Variants in TPRG1 observed in about 807,000 individuals in gnomAD.
The protein encoded by TPRG1 is tumor protein p63 regulated 1, also known as tumor protein p63-regulated gene 1 protein.
TPRG1 carries 29 observed loss-of-function variants against 29.3 expected under a neutral mutation model. The ratio of observed to expected loss-of-function variants is 0.99; its 90% CI spans 0.74 to 1.35. The LOEUF is 1.35. Among genes scored for constraint, TPRG1 ranks in the 40% most tolerant of loss-of-function variants. TPRG1 has a pLI of 0.00. For synonymous variants in TPRG1, 130 were observed against 116.8 expected (o/e 1.11, Z -0.73); for missense variants, 327 against 335.0 (o/e 0.98, Z 0.19).
chr3:189,237,983 T>C (rs537877123), intron 3 of TPRG1, among the ~76,000 whole-genome samples: 22 of 152,220 alleles, frequency 1.4e-4, no homozygotes, highest in Non-Finnish European at 3.1e-4. Context: ...CACTCTCTTT[T>C]AACAAGAAGC....
intron 1 of TPRG1, among the ~76,000 whole-genome samples, chr3:189,106,286 C>T (rs1235156983): frequency 6.6e-6 from 1 of 152,074 alleles, no homozygotes; most frequent in Admixed American, 6.6e-5. Context: ...TGTGCTTTCC[C>T]CCTTCCCCCA....
intron 4 of TPRG1, among the ~76,000 whole-genome samples, chr3:189,075,339 TGGC>T (rs1560429066): frequency 5.9e-5 from 9 of 152,062 alleles, no homozygotes; most frequent in Admixed American, 2.0e-4. Context: ...TTCACCATGT[TGGC>T]CAGGCTGTTC....
intron 4 of TPRG1, among the ~76,000 whole-genome samples, chr3:189,287,822 A>AT (rs1385669361): frequency 6.6e-6 from 1 of 152,106 alleles, no homozygotes; most frequent in Non-Finnish European, 1.5e-5. Context: ...AAATGTGTTT[A>AT]TTTTTTGCCT....
In TPRG1 at chr3:189,310,353, T is replaced by C. The variant is rs765280768; in HGVS notation, c.480-33T>C. 7 of 1,493,948 alleles carry C rather than the reference T, an allele frequency of 4.7e-6. No individual in the cohort carries two copies. The South Asian group carries it at 9.7e-5, about 21-fold the overall frequency. 92.5% of individuals were successfully genotyped at this position (1,493,948 alleles called of 1,614,324 possible). ...ATTTTTTTTTTTTTGGAAATGGAAA[T>C]GACTAATCTAATGGAAAACGCCTTT... On this transcript the variant is annotated intron_variant, in intron 4 of 5. Coordinates refer to ENST00000345063, the MANE Select transcript of TPRG1 (RefSeq NM_198485.4).
intron 5 of TPRG1, among the ~76,000 whole-genome samples, chr3:189,317,408 G>T (rs1723705947): frequency 6.6e-6 from 1 of 152,134 alleles, no homozygotes; most frequent in Admixed American, 6.6e-5. Flanking sequence ...ATCTCATTCT[G>T]CTTTCCTAAT....
intron 5 of TPRG1, among the ~76,000 whole-genome samples, chr3:189,158,305 G>A (rs1388153416): frequency 6.6e-6 from 1 of 152,076 alleles, no homozygotes; most frequent in East Asian, 1.9e-4. Flanking sequence ...GGGATCTAAA[G>A]CATTTTAAAA....
intron 1 of TPRG1, among the ~76,000 whole-genome samples, chr3:189,198,743 A>C (rs1270621503): frequency 6.6e-6 from 1 of 152,192 alleles, no homozygotes; most frequent in African/African-American, 2.4e-5. Flanking sequence ...ATGGCCCACT[A>C]GTGAAGACAG....
At chr3:189,300,115 T>C (rs540932926) in intron 4 of TPRG1, among the ~76,000 whole-genome samples, 3 of 152,298 alleles carry the variant, frequency 2.0e-5, no homozygotes, top group African/African-American at 7.2e-5. Flanking sequence ...AAGCAAACAA[T>C]TGGTTGGCAT....
At chr3:189,061,844 T>G (rs1166412797) in intron 4 of TPRG1, among the ~76,000 whole-genome samples, 1 of 152,114 alleles carries the variant, frequency 6.6e-6, no homozygotes, top group African/African-American at 2.4e-5. Flanking sequence ...TGGTGGAGTG[T>G]AAATTAGTTC....
intron 4 of TPRG1, among the ~76,000 whole-genome samples, chr3:189,300,993 T>C (rs1400393404): frequency 6.6e-6 from 1 of 152,102 alleles, no homozygotes; most frequent in Non-Finnish European, 1.5e-5. Context: ...AACAATGAGA[T>C]AATGGATGAT....
intron 4 of TPRG1, among the ~76,000 whole-genome samples, chr3:189,079,974 A>G (rs1267318651): frequency 6.6e-6 from 1 of 152,198 alleles, no homozygotes; most frequent in Non-Finnish European, 1.5e-5. Flanking sequence ...CCCTCCCTCC[A>G]AATTCCAACA....
At chr3:189,300,448 G>A (rs1163547577) in intron 4 of TPRG1, among the ~76,000 whole-genome samples, 1 of 152,126 alleles carries the variant, frequency 6.6e-6, no homozygotes, top group Non-Finnish European at 1.5e-5. Context: ...CAGAAAGTAA[G>A]AATTTTCAAA....
chr3:189,296,795 T>C (rs958289403), intron 4 of TPRG1, among the ~76,000 whole-genome samples: 7 of 152,330 alleles, frequency 4.6e-5, no homozygotes, highest in South Asian at 2.1e-4. Context: ...GATTATATGA[T>C]AAAAGTGTTG....
Position 189,064,425 on chromosome 3 carries a change from A to G in TPRG1, c.-463+40479A>G, listed in dbSNP as rs552023782. On this transcript the variant is annotated intron_variant, in intron 4 of 10. Transcript: ENST00000433971. Reference sequence around the variant, plus strand: ...GACAACTGGGTTAACGCTTTCCTGTACACAAGAAAAAAAAATTCAAATCAA... The same window carrying G: ...GACAACTGGGTTAACGCTTTCCTGTGCACAAGAAAAAAAAATTCAAATCAA... 2.6e-5 allele frequency among the ~76,000 whole-genome samples: 4 copies of G among 152,160 alleles called. No homozygotes were observed. The East Asian group carries it at 7.7e-4, about 29-fold the overall frequency.
At chr3:189,159,834 T>TTGTG (rs779237990) in intron 5 of TPRG1, among the ~76,000 whole-genome samples, 2,297 of 95,440 alleles carry the variant, frequency 0.024, 50 homozygotes, top group African/African-American at 0.089. Flanking sequence ...CATGGAGTGT[T>TTGTG]TGTGTATGTG....
rs556815463 is a variant in TPRG1 at position 189,086,588 on chromosome 3, C to T, written c.-462-40469C>T. ...TGTTGCCTAGGCTGGAGTGCAATGT[C>T]GTGATCTCGGCTCACCACAACCTCC... is the stretch of plus-strand genomic sequence containing the variant. On this transcript the variant is annotated intron_variant, in intron 4 of 10. Transcript: ENST00000433971. Among the ~76,000 whole-genome samples, 6 of 144,858 alleles carry T rather than the reference C, an allele frequency of 4.1e-5. No individual in the cohort carries two copies. The South Asian group carries it at 8.8e-4, about 21-fold the overall frequency.
chr3:189,304,258 C>T (rs140446651), intron 4 of TPRG1, among the ~76,000 whole-genome samples: 88 of 152,124 alleles, frequency 5.8e-4, no homozygotes, highest in African/African-American at 2.0e-3. Context: ...CCCCGGAGCC[C>T]GGAGAAGTAA....
chr3:189,205,964 A>T (rs1030956802), intron 1 of TPRG1, among the ~76,000 whole-genome samples: 2 of 148,342 alleles, frequency 1.3e-5, no homozygotes, highest in African/African-American at 5.0e-5. Flanking sequence ...GACATTTTTA[A>T]ATCTGTTATA....
At chr3:189,158,022 G>A (rs745542585) in intron 5 of TPRG1, among the ~76,000 whole-genome samples, 12 of 152,092 alleles carry the variant, frequency 7.9e-5, no homozygotes, top group South Asian at 2.1e-4. Flanking sequence ...TATATATGTC[G>A]CATCATTCTT....
Sources: allele counts gnomAD v4.1 joint callset (sites outside exome capture counted in the v4.1 genomes callset), GRCh38; gene constraint gnomAD v4.1.1; transcripts MANE v1.5; gene names NCBI Gene and HGNC (gene_info 2026-07-23, HGNC 2026-07-21).